The following MCOLN2 variants were observed in gnomAD, a reference collection of about 807,000 sequenced individuals.
MCOLN2 encodes mucolipin-2.
A neutral mutation model predicts 67.5 loss-of-function variants in MCOLN2; 57 were observed. That is an observed-to-expected ratio of 0.84 (90% confidence interval 0.68 to 1.05). The LOEUF (loss-of-function observed/expected upper bound fraction) is 1.05. Ranked by LOEUF, MCOLN2 falls within the 50% of genes least tolerant of loss-of-function variation. The probability of loss-of-function intolerance (pLI) is 0.00; values close to 1 mark genes in which losing one functional copy is unlikely to be tolerated. For synonymous variants in MCOLN2, 246 were observed against 233.3 expected (o/e 1.05, Z -0.50); for missense variants, 620 against 678.8 (o/e 0.91, Z 0.96).
At chr1:84,960,138 T>C (rs893620) in intron 2 of MCOLN2, among the ~76,000 whole-genome samples, 20,605 of 152,266 alleles carry the variant, frequency 0.14, 1,689 homozygotes, top group East Asian at 0.26. Flanking sequence ...ATTTTGTTGT[T>C]TTAAAAAATA....
At chr1:84,987,400 AGATAT>A (rs1481496838) in intron 1 of MCOLN2, among the ~76,000 whole-genome samples, 1 of 140,320 alleles carries the variant, frequency 7.1e-6, no homozygotes, top group Non-Finnish European at 1.5e-5. Context: ...ATATGTATAT[AGATAT>A]ATTTATATAT....
At chr1:84,941,419 G>A (rs537354604) in intron 7 of MCOLN2, among the ~76,000 whole-genome samples, 1 of 152,260 alleles carries the variant, frequency 6.6e-6, no homozygotes, top group East Asian at 1.9e-4. Context: ...ATGGCATGAA[G>A]CCGGGAGGCA....
At chr1:84,986,543 C>CAAA (rs570093444) in intron 1 of MCOLN2, among the ~76,000 whole-genome samples, 6 of 49,398 alleles carry the variant, frequency 1.2e-4, no homozygotes, top group African/African-American at 3.2e-4. Context: ...AACTCCATCT[C>CAAA]AAAAAAAAAA....
At chr1:84,927,627 G>A (rs569970552) in intron 13 of MCOLN2, among the ~76,000 whole-genome samples, 43 of 152,340 alleles carry the variant, frequency 2.8e-4, no homozygotes, top group Non-Finnish European at 5.4e-4. Context: ...GACCACAGCC[G>A]TGCTCTGCAG....
intron 1 of MCOLN2, among the ~76,000 whole-genome samples, chr1:84,971,528 A>G (rs1428889424): frequency 6.6e-6 from 1 of 151,430 alleles, no homozygotes; most frequent in East Asian, 1.9e-4. Context: ...ACACACACAC[A>G]CACACACACA....
intron 1 of MCOLN2, among the ~76,000 whole-genome samples, chr1:84,966,793 C>A (rs563532946): frequency 3.3e-4 from 50 of 152,224 alleles, no homozygotes; most frequent in Non-Finnish European, 6.9e-4. Flanking sequence ...ACATGGTTCA[C>A]AGGACTGTTA....
chr1:84,974,749 A>G (rs1274831131), intron 1 of MCOLN2, among the ~76,000 whole-genome samples: 1 of 151,994 alleles, frequency 6.6e-6, no homozygotes, highest in East Asian at 1.9e-4. Flanking sequence ...CCCCAGTTCT[A>G]AGAGCTGACT....
intron 1 of MCOLN2, among the ~76,000 whole-genome samples, chr1:84,993,619 C>CTTTTTT (rs869075778): frequency 3.4e-5 from 4 of 118,534 alleles, no homozygotes; most frequent in African/African-American, 9.6e-5. Flanking sequence ...TAAATAATGT[C>CTTTTTT]TTTTTTTTTT....
chr1:84,961,316 T>C (rs79381732), intron 2 of MCOLN2, among the ~76,000 whole-genome samples: 2,199 of 152,102 alleles, frequency 0.014, 59 homozygotes, highest in African/African-American at 0.051. Context: ...CCCACATTAA[T>C]AGTGAAGCTA....
At chr1:84,973,670 G>A (rs762175579) in intron 1 of MCOLN2, among the ~76,000 whole-genome samples, 8 of 152,058 alleles carry the variant, frequency 5.3e-5, no homozygotes, top group Non-Finnish European at 8.8e-5. Flanking sequence ...TCTAGTTTCC[G>A]TGGAAATAAC....
chr1:84,949,803 A>C (rs965599629), intron 6 of MCOLN2, among the ~76,000 whole-genome samples: 22 of 152,116 alleles, frequency 1.4e-4, no homozygotes, highest in Admixed American at 3.3e-4. Context: ...AAAAACAACA[A>C]AACTGTCAGT....
intron 1 of MCOLN2, among the ~76,000 whole-genome samples, chr1:84,965,978 C>T (rs919572306): frequency 3.3e-5 from 5 of 152,158 alleles, no homozygotes; most frequent in Non-Finnish European, 7.4e-5. Flanking sequence ...CTCGGCCAGA[C>T]GTGGTGGCTC....
At chr1:84,984,516 T>C (rs1310045415) in intron 1 of MCOLN2, among the ~76,000 whole-genome samples, 1 of 152,244 alleles carries the variant, frequency 6.6e-6, no homozygotes, top group Non-Finnish European at 1.5e-5. Context: ...TTGGATCCCA[T>C]GTCTGCTTCT....
chr1:84,938,033 A>C lies in MCOLN2; in HGVS notation c.1160T>G (p.Leu387Arg). 3.1e-6 allele frequency: 5 copies of C among 1,614,038 alleles called. No homozygotes were observed. The highest frequency in any genetic ancestry group is 3.4e-6 in the Non-Finnish European group (4 of 1,179,956). Reference protein sequence around the residue: ...LCSIFLGTSTLLVWVGVIRYL... With the variant: ...LCSIFLGTSTRLVWVGVIRYL... ...TCTGATGACTCCAACCCAAACCAAG[A>C]GCGTAGAGGTTCCAAGAAAAATGCT... Residue 387 changes from leucine to arginine, a missense_variant, in exon 10 of 14, where the codon CTC becomes CGC. Coordinates refer to ENST00000370608, the MANE Select transcript of MCOLN2 (RefSeq NM_153259.4).
chr1:84,988,820 C>A (rs1362290231), intron 1 of MCOLN2, among the ~76,000 whole-genome samples: 1 of 152,148 alleles, frequency 6.6e-6, no homozygotes, highest in Non-Finnish European at 1.5e-5. Context: ...CCTCCCATAC[C>A]CTCTTCCCCT....
chr1:84,986,616 G>GA (rs560694908), intron 1 of MCOLN2, among the ~76,000 whole-genome samples: 2 of 147,644 alleles, frequency 1.4e-5, no homozygotes, highest in African/African-American at 5.0e-5. Context: ...ATGAGTGAGA[G>GA]AAAATCTCAC....
chr1:84,942,540 T>C (rs566331539), intron 7 of MCOLN2, among the ~76,000 whole-genome samples: 1 of 152,262 alleles, frequency 6.6e-6, no homozygotes, highest in East Asian at 1.9e-4. Context: ...AGGAAAATAA[T>C]AATAGCAAAC....
intron 1 of MCOLN2, among the ~76,000 whole-genome samples, chr1:84,982,949 T>C (rs1199758678): frequency 6.6e-6 from 1 of 152,094 alleles, no homozygotes; most frequent in Non-Finnish European, 1.5e-5. Context: ...AACTCCTGAC[T>C]TCAGGTGATC....
intron 2 of MCOLN2, among the ~76,000 whole-genome samples, chr1:84,964,231 C>A (rs1245843782): frequency 6.6e-6 from 1 of 152,150 alleles, no homozygotes; most frequent in Non-Finnish European, 1.5e-5. Flanking sequence ...TACTGAAAAC[C>A]TCTTTATGAA....
Sources: allele counts gnomAD v4.1 joint callset (sites outside exome capture counted in the v4.1 genomes callset), GRCh38; gene constraint gnomAD v4.1.1; transcripts MANE v1.5; gene names NCBI Gene and HGNC (gene_info 2026-07-23, HGNC 2026-07-21).